FCGR2A: variants seen among roughly 807,000 people sequenced by gnomAD.
FCGR2A encodes Fc gamma receptor IIa, also known as low affinity immunoglobulin gamma Fc region receptor II-a.
Under a neutral mutation model 29.3 loss-of-function variants are expected in FCGR2A, and 18 were observed. The observed-to-expected ratio is 0.62, with a 90% CI of 0.43 to 0.91. The LOEUF (loss-of-function observed/expected upper bound fraction) is 0.91. Ranked by LOEUF, FCGR2A falls within the 40% of genes least tolerant of loss-of-function variation. The probability of loss-of-function intolerance (pLI) is 0.00; values close to 1 mark genes in which losing one functional copy is unlikely to be tolerated. For missense variants in FCGR2A, 287 were observed against 393.0 expected (o/e 0.73, Z 2.28); for synonymous variants, 126 against 144.8 (o/e 0.87, Z 0.93).
intron 4 of FCGR2A, 112 bp downstream of exon 4, chr1:161,510,186 A>C: frequency 6.5e-7 from 1 of 1,541,176 alleles, no homozygotes; most frequent in African/African-American, 1.4e-5. Context: ...AAAATTGGGC[A>C]CTGGAGCAAA....
chr1:161,508,547 A>G (rs1291947777), intron 3 of FCGR2A, among the ~76,000 whole-genome samples: 2 of 150,934 alleles, frequency 1.3e-5, no homozygotes, highest in African/African-American at 2.4e-5. Flanking sequence ...AGATCGCGCC[A>G]TTCCACTCCA....
intron 3 of FCGR2A, among the ~76,000 whole-genome samples, chr1:161,507,881 T>A (rs546180296): frequency 2.0e-5 from 3 of 150,944 alleles, no homozygotes; most frequent in African/African-American, 7.3e-5. Context: ...GAGGTTGGGA[T>A]TTCGAGACCA....
At chr1:161,509,545 C>T (rs1282767711) in intron 3 of FCGR2A, among the ~76,000 whole-genome samples, 1 of 152,196 alleles carries the variant, frequency 6.6e-6, no homozygotes, top group Admixed American at 6.5e-5. Flanking sequence ...GAAATGCGCT[C>T]ATTTCTCTAC....
intron 6 of FCGR2A, among the ~76,000 whole-genome samples, chr1:161,515,381 A>G (rs1676085866): frequency 6.6e-6 from 1 of 152,204 alleles, no homozygotes; most frequent in South Asian, 2.1e-4. Flanking sequence ...TTGTTATTGC[A>G]CACATGAACT....
At chr1:161,506,242 C>CT in intron 2 of FCGR2A, 92 bp from the exon 3 acceptor site, 1 of 1,526,040 alleles carries the variant, frequency 6.6e-7, no homozygotes. Flanking sequence ...CAATAGGACT[C>CT]TTGGGTGCCT....
At chr1:161,510,636 G>A (rs1453724145) in intron 4 of FCGR2A, among the ~76,000 whole-genome samples, 198 bp from the exon 5 acceptor site, 1 of 152,230 alleles carries the variant, frequency 6.6e-6, no homozygotes, top group East Asian at 1.9e-4. Flanking sequence ...GGAGGCACAA[G>A]TCCAGCCACA....
At position 161,519,798 on chromosome 1, in the gene FCGR2A, A is replaced by G. The variant is rs1451057694; in HGVS notation, c.*1650A>G. 1 of 152,082 alleles carries G rather than the reference A, an allele frequency of 6.6e-6. No homozygotes were observed. Among genetic ancestry groups the G allele is most frequent in the African/African-American group, 2.4e-5 (1 of 41,412 alleles). The allele number at this position is 152,082 out of a possible 1,614,324, so 9.4% of individuals were successfully genotyped here. On this transcript the variant is annotated 3_prime_UTR_variant, in exon 7 of 7. Transcript: ENST00000271450. ...TCCATGTCTTCTTCCCTTTCCTTCT[A>G]TAGCAAATAAAGCATTCACTTTGTT...
In FCGR2A at chr1:161,518,325, C is replaced by T. The variant is rs1175571551; in HGVS notation, c.*177C>T. 32 of 925,920 alleles carry T rather than the reference C, an allele frequency of 3.5e-5. No homozygotes were observed. The highest frequency in any genetic ancestry group is 2.8e-4 in the Middle Eastern group (1 of 3,568). The allele number at this position is 925,920 out of a possible 1,614,324, so 57.4% of individuals were successfully genotyped here. A position where few individuals can be genotyped will look rare whatever the true frequency, so the allele number is the denominator to read the frequency against. On this transcript the variant is annotated 3_prime_UTR_variant, in exon 7 of 7. Coordinates refer to ENST00000271450, the MANE Select transcript of FCGR2A (RefSeq NM_001136219.3). ...AACTACAAACACAAGCAAAACTTCA[C>T]GGGGTCATACTACATACAAGCATAA...
chr1:161,512,465 G>A (rs1386957967), intron 5 of FCGR2A, among the ~76,000 whole-genome samples: 4 of 148,944 alleles, frequency 2.7e-5, no homozygotes, highest in Non-Finnish European at 4.5e-5. Flanking sequence ...GTGGAGCCCT[G>A]AGCAAGTCAG....
chr1:161,521,386 A>G (rs1307658260), downstream of FCGR2A, among the ~76,000 whole-genome samples: 1 of 151,958 alleles, frequency 6.6e-6, no homozygotes, highest in Non-Finnish European at 1.5e-5. Flanking sequence ...TTTAAACTGG[A>G]AAGTCCTTAG....
intron 6 of FCGR2A, among the ~76,000 whole-genome samples, chr1:161,517,472 A>G (rs4657049): frequency 5.3e-5 from 8 of 152,142 alleles, no homozygotes; most frequent in South Asian, 2.1e-4. Flanking sequence ...CTATTTTAAA[A>G]CTGGTTAAAG....
chr1:161,512,549 G>T (rs1362958032), intron 5 of FCGR2A, among the ~76,000 whole-genome samples: 1 of 150,118 alleles, frequency 6.7e-6, no homozygotes, highest in African/African-American at 2.4e-5. Context: ...GGCCTTCTAG[G>T]TCTGACATTC....
chr1:161,509,179 G>A (rs1183468989), intron 3 of FCGR2A, among the ~76,000 whole-genome samples: 2 of 152,140 alleles, frequency 1.3e-5, no homozygotes, highest in South Asian at 2.1e-4. Context: ...CAAGAAGTAG[G>A]CTCTTATCAA....
rs770401361 is a variant in FCGR2A at position 161,505,521 on chromosome 1, G to A, written c.54G>A (p.Leu18=). The A allele has an allele frequency of 1.2e-6, 2 of 1,614,056 alleles. No individual in the cohort carries two copies. The highest frequency in any genetic ancestry group is 1.7e-6 in the Non-Finnish European group (2 of 1,180,010). ...SQNVCPRNLW[L]LQPLTVLLLL... is the part of the protein sequence containing the mutation. Reference sequence around the variant, plus strand: ...ATGTATGTCCCAGAAACCTGTGGCTGCTTCAACCATTGACAGTTTTGCTGC... The same window carrying A: ...ATGTATGTCCCAGAAACCTGTGGCTACTTCAACCATTGACAGTTTTGCTGC... The change falls in exon 1 of 7, where the codon CTG becomes CTA. Residue 18 remains leucine, a synonymous_variant. Coordinates refer to ENST00000271450, the MANE Select transcript of FCGR2A (RefSeq NM_001136219.3).
In FCGR2A at chr1:161,506,367, C is replaced by T; in HGVS notation, c.140C>T (p.Pro47Leu). ...APPKAVLKLE[P>L]PWINVLQEDS... Reference sequence around the variant, plus strand: ...CCAAAGGCTGTGCTGAAACTTGAGCCCCCGTGGATCAACGTGCTCCAGGAG... The same window carrying T: ...CCAAAGGCTGTGCTGAAACTTGAGCTCCCGTGGATCAACGTGCTCCAGGAG... Residue 47 changes from proline to leucine, a missense_variant, in exon 3 of 7, where the codon CCC becomes CTC. Physicochemically the swap from Pro to Leu is moderately conservative, Grantham distance 98 (BLOSUM62 -3). Around this residue, in one of 3 missense-constraint regions of FCGR2A, gnomAD observed 181 missense variants for 250.9 expected, o/e 0.72. Coordinates refer to ENST00000271450, the MANE Select transcript of FCGR2A (RefSeq NM_001136219.3). The T allele has an allele frequency of 6.2e-7, 1 of 1,614,206 alleles. No homozygotes were observed. Among genetic ancestry groups the T allele is most frequent in the Admixed American group, 1.7e-5 (1 of 60,022 alleles).
chr1:161,522,184 G>C (rs1186983401), downstream of FCGR2A, among the ~76,000 whole-genome samples: 3 of 152,022 alleles, frequency 2.0e-5, no homozygotes, highest in Non-Finnish European at 2.9e-5. Flanking sequence ...CTGAGGGACA[G>C]AGCAGGAACC....
In FCGR2A at chr1:161,510,837, C is replaced by T. The variant is rs1675725680; in HGVS notation, c.623C>T (p.Pro208Leu). Residue 208 changes from proline to leucine, a missense_variant, in exon 5 of 7, where the codon CCC becomes CTC. Physicochemically the swap from Pro to Leu is moderately conservative, Grantham distance 98. Transcript: ENST00000271450. ...SKPVTITVQVPSMGSSSPMGI... is the reference protein window; with the variant it reads ...SKPVTITVQVLSMGSSSPMGI... ...CCCTAATGTCTGTCTTCCCTAGTGC[C>T]CAGCATGGGCAGCTCTTCACCAATG... 1 of 1,614,022 alleles carries T rather than the reference C, an allele frequency of 6.2e-7. No homozygotes were observed. The highest frequency in any genetic ancestry group is 8.5e-7 in the Non-Finnish European group (1 of 1,180,016).
chr1:161,523,903 C>G (rs1206213081), downstream of FCGR2A: 2 of 152,238 alleles, frequency 1.3e-5, no homozygotes, highest in South Asian at 2.1e-4. Context: ...AATTCTACCA[C>G]TGAACCACCA....
chr1:161,515,165 T>G (rs1291014219), intron 6 of FCGR2A, among the ~76,000 whole-genome samples: 7 of 152,276 alleles, frequency 4.6e-5, no homozygotes, highest in Non-Finnish European at 1.0e-4. Flanking sequence ...ATAATTTTGA[T>G]TGGTATGTAA....
Sources: allele counts gnomAD v4.1 joint callset (sites outside exome capture counted in the v4.1 genomes callset), GRCh38; gene constraint gnomAD v4.1.1; regional missense constraint gnomAD v4.1.1; transcripts MANE v1.5; gene names NCBI Gene and HGNC (gene_info 2026-07-23, HGNC 2026-07-21).